The following FBN2 variants were observed in gnomAD, a reference collection of about 807,000 sequenced individuals.
The protein encoded by FBN2 is fibrillin-2.
FBN2 carries 105 observed loss-of-function variants against 355.6 expected under a neutral mutation model. The ratio of observed to expected loss-of-function variants is 0.30; its 90% CI spans 0.25 to 0.35. The LOEUF is 0.35. FBN2 is among the 10% of genes least tolerant of loss of function. The pLI, the probability that FBN2 is intolerant of heterozygous loss-of-function variation, is 1.00. For synonymous variants in FBN2, 1,350 were observed against 1,301.2 expected, an observed-to-expected ratio of 1.04 and a Z score of -0.81; for missense variants, 3,280 against 3,758.7, an observed-to-expected ratio of 0.87 and a Z score of 3.33.
At chr5:128,334,335 G>C (rs1043161441) in intron 31 of FBN2, among the ~76,000 whole-genome samples, 1 of 152,160 alleles carries the variant, frequency 6.6e-6, no homozygotes, top group African/African-American at 2.4e-5. Flanking sequence ...AAGTGCAGAG[G>C]TAAATGGCAA....
rs368522099 is a variant in FBN2, at chr5:128,334,782, C to T, written c.4036G>A (p.Gly1346Arg). 1.9e-6 allele frequency: 3 copies of T among 1,613,184 alleles called. No homozygotes were observed. In the African/African-American group the frequency reaches 4.0e-5, roughly 22 times the overall value. ...CMFGECENTK[G>R]SFICHCQLGY... ...AGCTGACAGTGGCAAATGAAGGATC[C>T]CTTTGTGTTCTCACATTCCCCAAAC... The change falls in exon 31 of 65, where the codon GGA becomes AGA. Residue 1346 changes from glycine to arginine, a missense_variant. Coordinates refer to ENST00000262464, the MANE Select transcript of FBN2 (RefSeq NM_001999.4).
chr5:128,478,842 G>A (rs187240675), intron 5 of FBN2, among the ~76,000 whole-genome samples: 1 of 152,148 alleles, frequency 6.6e-6, no homozygotes, highest in Non-Finnish European at 1.5e-5. Context: ...ATGTACTCTT[G>A]TGCATTCTTA....
chr5:128,280,298 G>C lies in FBN2; in HGVS notation c.7032C>G (p.Thr2344=), dbSNP rs774708080. ...GTCCATTTTCACAGATTCCTGGCTT[G>C]GTCCTGCATTCATTTTCATCTTTAG... ...EGCVDENECR[T]KPGICENGRC... The change falls in exon 56 of 65, where the codon ACC becomes ACG. Residue 2344 remains threonine, a synonymous_variant. Transcript: ENST00000262464. 1 of 1,610,680 alleles carries C rather than the reference G, an allele frequency of 6.2e-7. No homozygotes were observed. The highest frequency in any genetic ancestry group is 8.5e-7 in the Non-Finnish European group (1 of 1,177,278).
chr5:128,460,120 G>T (rs1017653547), intron 6 of FBN2, among the ~76,000 whole-genome samples: 2 of 152,144 alleles, frequency 1.3e-5, no homozygotes, highest in African/African-American at 4.8e-5. Context: ...GCAGTCTCAG[G>T]ATACAAAATC....
intron 7 of FBN2, among the ~76,000 whole-genome samples, chr5:128,417,465 A>G (rs1392953087): frequency 6.6e-6 from 1 of 152,172 alleles, no homozygotes; most frequent in Non-Finnish European, 1.5e-5. Context: ...TTCCCCATTC[A>G]GTATGGTGTC....
At chr5:128,376,363 T>C (rs1561006) in intron 14 of FBN2, among the ~76,000 whole-genome samples, 24,711 of 152,224 alleles carry the variant, frequency 0.16, 2,856 homozygotes, top group African/African-American at 0.32. Context: ...TGAATGACAG[T>C]GGAAAATCTA....
chr5:128,370,727 A>C (rs978728286), intron 15 of FBN2, among the ~76,000 whole-genome samples: 1 of 152,106 alleles, frequency 6.6e-6, no homozygotes. Context: ...TTTAGAGCAT[A>C]TGCCATGCAG....
chr5:128,287,239 T>C, intron 54 of FBN2, 69 bp downstream of exon 54: 2 of 1,561,474 alleles, frequency 1.3e-6, no homozygotes, highest in South Asian at 1.1e-5. Flanking sequence ...TTGAGAACTA[T>C]AAAATCATTA....
intron 3 of FBN2, among the ~76,000 whole-genome samples, chr5:128,528,880 A>G (rs1194895827): frequency 1.3e-5 from 2 of 152,218 alleles, no homozygotes; most frequent in East Asian, 3.8e-4. Context: ...GATAGCTTAC[A>G]CCACATGGTA....
At chr5:128,395,339 G>A (rs756252948) in intron 8 of FBN2, 65 bp from the exon 9 acceptor site, 13 of 1,557,144 alleles carry the variant, frequency 8.3e-6, no homozygotes, top group Non-Finnish European at 1.1e-5. Context: ...AACAATCACT[G>A]TACATGAGAT....
chr5:128,328,660 C>A (rs1226262345), intron 34 of FBN2, 36 bp downstream of exon 34: 1 of 1,612,762 alleles, frequency 6.2e-7, no homozygotes, highest in South Asian at 1.1e-5. Context: ...TGTGGTTGAT[C>A]CAACTTGAAA....
chr5:128,351,889 A>G (rs1751378052), intron 20 of FBN2, among the ~76,000 whole-genome samples: 1 of 151,568 alleles, frequency 6.6e-6, no homozygotes, highest in East Asian at 1.9e-4. Flanking sequence ...TTCTTTTAAC[A>G]TACTATAACA....
chr5:128,448,553 C>G (rs903802290), intron 6 of FBN2, among the ~76,000 whole-genome samples: 1 of 151,988 alleles, frequency 6.6e-6, no homozygotes, highest in South Asian at 2.1e-4. Flanking sequence ...ATGATCTGCC[C>G]GCCTCGGCCT....
At chr5:128,398,957 G>A (rs2126986508) in intron 8 of FBN2, among the ~76,000 whole-genome samples, 1 of 152,298 alleles carries the variant, frequency 6.6e-6, no homozygotes, top group African/African-American at 2.4e-5. Flanking sequence ...CCAGCCATAT[G>A]GAACTGTAAG....
chr5:128,462,382 G>A (rs80091798), intron 6 of FBN2, among the ~76,000 whole-genome samples: 1 of 152,210 alleles, frequency 6.6e-6, no homozygotes, highest in East Asian at 1.9e-4. Flanking sequence ...GGAAAAAAAT[G>A]AAATCACAGT....
chr5:128,307,008 T>C (rs1197373522), intron 42 of FBN2, 127 bp downstream of exon 42: 3 of 694,308 alleles, frequency 4.3e-6, no homozygotes, highest in Non-Finnish European at 7.7e-6. Context: ...CTCTCTTATC[T>C]AACTATATTA....
chr5:128,356,738 T>C (rs1441377136), intron 20 of FBN2, among the ~76,000 whole-genome samples: 1 of 152,244 alleles, frequency 6.6e-6, no homozygotes, highest in African/African-American at 2.4e-5. Context: ...GTTTAGATGT[T>C]TTAGAATAAT....
intron 10 of FBN2, 119 bp downstream of exon 10, chr5:128,393,016 C>T (rs1752558441): frequency 1.2e-6 from 1 of 836,714 alleles, no homozygotes. Context: ...CCCACAAACA[C>T]ACACACACAT....
At position 128,259,696 on chromosome 5, in the gene FBN2, C is replaced by T. The variant is rs753753954; in HGVS notation, c.8498G>A (p.Arg2833His). ...ATCGTTCCCTTGAGAGATGACATAACGGATGTGGTTGTTGAGGGGCTGGAT... is the reference window on the plus strand; with the variant it reads ...ATCGTTCCCTTGAGAGATGACATAATGGATGTGGTTGTTGAGGGGCTGGAT... ...PAIQPLNNHI[R>H]YVISQGNDDS... The change falls in exon 65 of 65, where the codon CGT (arginine) becomes CAT (histidine). Residue 2833 changes from arginine to histidine, a missense_variant. Physicochemically the swap from Arg to His is conservative, Grantham distance 29. Around this residue, in one of 6 missense-constraint regions of FBN2, gnomAD observed 311 missense variants for 319.1 expected, o/e 0.97. Transcript: ENST00000262464. 55 of 1,613,678 alleles carry T rather than the reference C, an allele frequency of 3.4e-5. 1 individual carries two copies. The highest frequency in any genetic ancestry group is 2.4e-4 in the South Asian group (22 of 91,062).
Sources: allele counts gnomAD v4.1 joint callset (sites outside exome capture counted in the v4.1 genomes callset), GRCh38; gene constraint gnomAD v4.1.1; regional missense constraint gnomAD v4.1.1; transcripts MANE v1.5; gene names NCBI Gene and HGNC (gene_info 2026-07-23, HGNC 2026-07-21).